CALN1: variants seen among roughly 807,000 people sequenced by gnomAD.
CALN1 encodes calcium-binding protein 8.
Under a neutral mutation model 30.6 loss-of-function variants are expected in CALN1, and 17 were observed. The ratio of observed to expected loss-of-function variants is 0.56; its 90% confidence interval spans 0.38 to 0.83. The LOEUF (loss-of-function observed/expected upper bound fraction) is 0.83, where lower values mean the gene tolerates loss of function less well. Among genes scored for constraint, CALN1 ranks in the 40% least tolerant of loss-of-function variants. The probability of loss-of-function intolerance (pLI) is 0.00; values close to 1 mark genes in which losing one functional copy is unlikely to be tolerated. For missense variants in CALN1, 291 were observed against 354.9 expected, an observed-to-expected ratio of 0.82 and a Z score of 1.45; for synonymous variants, 156 against 131.4, an observed-to-expected ratio of 1.19 and a Z score of -1.28.
intron 3 of CALN1, among the ~76,000 whole-genome samples, chr7:72,245,948 G>A (rs1377434001): frequency 6.6e-6 from 1 of 152,174 alleles, no homozygotes. Flanking sequence ...TACACTGCAA[G>A]GCGTCCTCCA....
chr7:72,116,361 A>T (rs542591608), intron 3 of CALN1, among the ~76,000 whole-genome samples: 6 of 152,292 alleles, frequency 3.9e-5, no homozygotes, highest in East Asian at 3.9e-4. Context: ...CTGTCTTTTT[A>T]AAAAAAGGCT....
At chr7:72,211,881 G>A (rs958448341) in intron 3 of CALN1, among the ~76,000 whole-genome samples, 4 of 152,132 alleles carry the variant, frequency 2.6e-5, no homozygotes, top group African/African-American at 9.7e-5. Context: ...GAGAATTAAA[G>A]AAGATGATGA....
chr7:72,316,507 G>C (rs1195415809), intron 2 of CALN1, among the ~76,000 whole-genome samples: 1 of 152,114 alleles, frequency 6.6e-6, no homozygotes, highest in Admixed American at 6.5e-5. Context: ...CACAAATGCA[G>C]ACTCTGGGAC....
At chr7:72,243,718 T>C (rs913669659) in intron 3 of CALN1, among the ~76,000 whole-genome samples, 2 of 151,996 alleles carry the variant, frequency 1.3e-5, no homozygotes, top group African/African-American at 4.8e-5. Context: ...GCTGATCTAA[T>C]GAGATTCTGT....
chr7:72,381,296 G>A (rs1232428745), intron 2 of CALN1, among the ~76,000 whole-genome samples: 1 of 152,120 alleles, frequency 6.6e-6, no homozygotes, highest in Admixed American at 6.5e-5. Context: ...CAAGGATCGA[G>A]AACCAGAAAT....
intron 3 of CALN1, among the ~76,000 whole-genome samples, chr7:72,168,799 A>T (rs1422564909): frequency 7.1e-5 from 8 of 112,432 alleles, no homozygotes; most frequent in Non-Finnish European, 1.2e-4. Context: ...TATTATTATT[A>T]TTATTATTTT....
At chr7:71,875,160 CAAAAAA>C (rs3063970) in intron 5 of CALN1, among the ~76,000 whole-genome samples, 54 of 68,756 alleles carry the variant, frequency 7.9e-4, no homozygotes, top group African/African-American at 2.9e-3. Context: ...GACTCTGTCT[CAAAAAA>C]AAAAAAAAAA....
chr7:72,033,598 GC>G (rs1299826774), intron 4 of CALN1, among the ~76,000 whole-genome samples: 3 of 152,198 alleles, frequency 2.0e-5, no homozygotes, highest in African/African-American at 7.2e-5. Flanking sequence ...CTAATGAATT[GC>G]AAAGGGAGAT....
intron 2 of CALN1, among the ~76,000 whole-genome samples, chr7:72,359,976 C>CAAAAAAAAAAAAAGAAAAAA (rs1803469206): frequency 1.6e-5 from 1 of 63,954 alleles, no homozygotes; most frequent in African/African-American, 8.6e-5. Flanking sequence ...GACTCCATCT[C>CAAAAAAAAAAAAAGAAAAAA]AAAAAAAAAA....
chr7:72,132,034 T>C lies in CALN1; in HGVS notation c.245-25740A>G, dbSNP rs114930478. ...GTGAATAATGAAGTCCTCCAGTCGC[T>C]CAATGTATATGCAATATATGTTTAT... On this transcript the variant is annotated intron_variant, in intron 3 of 6. Coordinates refer to ENST00000395275, the MANE Select transcript of CALN1 (RefSeq NM_031468.4). 6.4e-3 allele frequency among the ~76,000 whole-genome samples: 978 copies of C among 152,268 alleles called. 14 individuals carry two copies. The highest frequency in any genetic ancestry group is 0.022 in the African/African-American group (934 of 41,546).
intron 4 of CALN1, among the ~76,000 whole-genome samples, chr7:72,099,046 G>A (rs1584938128): frequency 6.6e-6 from 1 of 152,166 alleles, no homozygotes; most frequent in South Asian, 2.1e-4. Context: ...AAACCCAGGC[G>A]AATTCCAGCC....
chr7:71,999,092 G>T (rs1412235105), intron 5 of CALN1, among the ~76,000 whole-genome samples: 1 of 152,132 alleles, frequency 6.6e-6, no homozygotes, highest in Non-Finnish European at 1.5e-5. Flanking sequence ...CTGTTTACAA[G>T]AAACTGACTT....
intron 5 of CALN1, among the ~76,000 whole-genome samples, chr7:71,904,937 C>A (rs1794049657): frequency 6.6e-6 from 1 of 151,824 alleles, no homozygotes; most frequent in Non-Finnish European, 1.5e-5. Flanking sequence ...TTCTTAATTT[C>A]TTTATTTGAT....
At chr7:71,822,649 T>C (rs567165873) in intron 5 of CALN1, among the ~76,000 whole-genome samples, 1 of 152,362 alleles carries the variant, frequency 6.6e-6, no homozygotes, top group East Asian at 1.9e-4. Flanking sequence ...GTGTAATGCA[T>C]GACTTAAGCC....
chr7:71,970,752 G>C (rs143281221), intron 5 of CALN1, among the ~76,000 whole-genome samples: 1 of 152,122 alleles, frequency 6.6e-6, no homozygotes, highest in African/African-American at 2.4e-5. Context: ...GAAGGGAAGT[G>C]CTCCTTATTC....
chr7:72,390,090 C>G lies in CALN1; in HGVS notation c.119+13161G>C, dbSNP rs182257471. Among the ~76,000 whole-genome samples the G allele has an allele frequency of 5.3e-3, 811 of 152,106 alleles. 5 individuals carry two copies. The highest frequency in any genetic ancestry group is 8.7e-3 in the Non-Finnish European group (593 of 68,018). On this transcript the variant is annotated intron_variant, in intron 2 of 6. Coordinates refer to ENST00000395275, the MANE Select transcript of CALN1 (RefSeq NM_031468.4). Reference sequence around the variant, plus strand: ...CAGGTTGGCTAAGGAGGGGTAGGACCTTTGCCCTGGGAAGACCTGAAAAAA... The same window carrying G: ...CAGGTTGGCTAAGGAGGGGTAGGACGTTTGCCCTGGGAAGACCTGAAAAAA...
chr7:72,154,347 A>G (rs1787495561), intron 3 of CALN1, among the ~76,000 whole-genome samples: 1 of 152,164 alleles, frequency 6.6e-6, no homozygotes, highest in Non-Finnish European at 1.5e-5. Context: ...CGCCATCTAC[A>G]TGTCTGACGA....
chr7:72,142,513 C>T (rs1490679690), intron 3 of CALN1, among the ~76,000 whole-genome samples: 2 of 152,184 alleles, frequency 1.3e-5, no homozygotes, highest in South Asian at 4.1e-4. Context: ...CTCAAGGAGG[C>T]CTGCCTGCCT....
chr7:72,398,769 C>T (rs1307613986), intron 2 of CALN1, among the ~76,000 whole-genome samples: 1 of 152,244 alleles, frequency 6.6e-6, no homozygotes, highest in East Asian at 1.9e-4. Context: ...ACACACCTTG[C>T]TCCAACCAAA....
Sources: gnomAD v4.1 joint callset for allele counts (sites outside exome capture counted in the v4.1 genomes callset) on GRCh38, gnomAD v4.1.1 for gene constraint, MANE v1.5 for transcripts, NCBI Gene and HGNC (gene_info 2026-07-23, HGNC 2026-07-21) for gene names.